Variants in PCM1 observed in about 807,000 individuals in gnomAD.
The protein encoded by PCM1 is pericentriolar material 1 protein.
Under a neutral mutation model 241.9 loss-of-function variants are expected in PCM1, and 157 were observed. The ratio of observed to expected loss-of-function variants is 0.65; its 90% CI spans 0.57 to 0.74. PCM1 has a LOEUF of 0.74. Ranked by LOEUF, PCM1 falls within the 30% of genes least tolerant of loss-of-function variation. The pLI is 0.00. For missense variants in PCM1, 3,478 were observed against 2,360.1 expected, an observed-to-expected ratio of 1.47 and a Z score of -9.81; for synonymous variants, 1,085 against 784.9, an observed-to-expected ratio of 1.38 and a Z score of -6.39.
intron 36 of PCM1, among the ~76,000 whole-genome samples, chr8:18,016,837 G>C (rs1474074773): frequency 1.3e-5 from 2 of 152,184 alleles, no homozygotes; most frequent in Non-Finnish European, 2.9e-5. Flanking sequence ...GCTTTGCTTA[G>C]TTAGACCCTC....
Position 17,991,424 on chromosome 8 carries a change from C to G in PCM1, c.4532-118C>G, listed in dbSNP as rs185922216. 3.1e-5 allele frequency: 23 copies of G among 743,670 alleles called. No individual in the cohort carries two copies. In the Admixed American group the frequency reaches 3.7e-4, roughly 12 times the overall value. The allele number at this position is 743,670 out of a possible 1,614,324, so 46.1% of individuals were successfully genotyped here. On this transcript the variant is annotated intron_variant, in intron 27 of 38. Transcript: ENST00000325083. ...TGCTCAAGTAGTATAGTGTGTAGAA[C>G]TTGTTAAAGCTAATTTTCCTCCCTT... is the stretch of plus-strand genomic sequence containing the variant.
At chr8:17,990,003 T>G in intron 27 of PCM1, 24 bp downstream of exon 27, 1 of 1,498,364 alleles carries the variant, frequency 6.7e-7, no homozygotes, top group East Asian at 2.5e-5. Flanking sequence ...TTTATAATCT[T>G]AGAAACAACT....
At chr8:18,014,925 T>A in intron 36 of PCM1, 85 bp downstream of exon 36, 2 of 1,199,208 alleles carry the variant, frequency 1.7e-6, no homozygotes, top group Non-Finnish European at 2.3e-6. Flanking sequence ...TCTCCACATG[T>A]AAACCATTTT....
At chr8:18,003,548 C>T (rs990887242) in intron 29 of PCM1, among the ~76,000 whole-genome samples, 1 of 152,160 alleles carries the variant, frequency 6.6e-6, no homozygotes, top group Non-Finnish European at 1.5e-5. Flanking sequence ...TTCCTCTCTT[C>T]ACTGTTCCTG....
intron 2 of PCM1, among the ~76,000 whole-genome samples, chr8:17,933,943 A>T (rs957956193): frequency 6.6e-6 from 1 of 152,148 alleles, no homozygotes; most frequent in Admixed American, 6.5e-5. Context: ...GAGAATTATT[A>T]AAGTAATATA....
At chr8:17,961,923 C>G (rs2072413557) in intron 15 of PCM1, 111 bp from the exon 16 acceptor site, 2 of 781,070 alleles carry the variant, frequency 2.6e-6, no homozygotes, top group African/African-American at 1.8e-5. Context: ...GGTCTGATAG[C>G]AGATTAAATA....
intron 19 of PCM1, 28 bp downstream of exon 19, chr8:17,966,246 T>C (rs1395683345): frequency 6.2e-7 from 1 of 1,608,742 alleles, no homozygotes; most frequent in African/African-American, 1.3e-5. Flanking sequence ...AGTATATTTT[T>C]CGTCTATTTT....
At chr8:18,018,850 G>A (rs964661546) in intron 36 of PCM1, among the ~76,000 whole-genome samples, 9,674 of 36,402 alleles carry the variant, frequency 0.27, 519 homozygotes, top group Non-Finnish European at 0.36. Context: ...GTGTGTGTGT[G>A]TGTATATATA....
At chr8:17,931,181 T>C (rs1437442704) in intron 2 of PCM1, among the ~76,000 whole-genome samples, 1 of 152,234 alleles carries the variant, frequency 6.6e-6, no homozygotes, top group Non-Finnish European at 1.5e-5. Flanking sequence ...CTTATTTTAG[T>C]AGTGTTCAAA....
intron 38 of PCM1, among the ~76,000 whole-genome samples, chr8:18,026,643 G>C (rs1282647344): frequency 6.6e-6 from 1 of 152,066 alleles, no homozygotes; most frequent in Non-Finnish European, 1.5e-5. Flanking sequence ...TTAAGATGCA[G>C]ATAATACCTC....
At chr8:17,961,186 C>T (rs1162087267) in intron 15 of PCM1, among the ~76,000 whole-genome samples, 2 of 151,260 alleles carry the variant, frequency 1.3e-5, no homozygotes, top group Non-Finnish European at 2.9e-5. Flanking sequence ...GGATCTTATA[C>T]ATGGGTCTTG....
intron 24 of PCM1, among the ~76,000 whole-genome samples, chr8:17,981,378 C>T (rs937778178): frequency 6.6e-6 from 1 of 152,198 alleles, no homozygotes; most frequent in African/African-American, 2.4e-5. Flanking sequence ...ATAGTTTCCC[C>T]TTTCTCCTGT....
Position 18,011,357 on chromosome 8 carries a change from G to T in PCM1, c.5341G>T (p.Val1781Leu). The T allele has an allele frequency of 6.3e-7, 1 of 1,590,316 alleles. No individual in the cohort carries two copies. The highest frequency in any genetic ancestry group is 8.5e-7 in the Non-Finnish European group (1 of 1,171,672). Residue 1781 changes from valine to leucine, a missense_variant, in exon 33 of 39, where the codon GTG becomes TTG. By Grantham distance (32) the Val-to-Leu change is conservative. Coordinates refer to ENST00000325083, the MANE Select transcript of PCM1 (RefSeq NM_006197.4). ...AGATGAAGAAAGTGAAGGATGTCCA[G>T]TGTCTATTAGTAAGTTTAAAGGCTC... is the stretch of plus-strand genomic sequence containing the variant. ...EEDEESEGCP[V>L]SINLSKAETQ...
At chr8:17,999,877 T>C (rs2088613360) in intron 29 of PCM1, among the ~76,000 whole-genome samples, 1 of 152,124 alleles carries the variant, frequency 6.6e-6, no homozygotes, top group African/African-American at 2.4e-5. Context: ...TTCCAAAATA[T>C]TTATAAAATG....
rs967392646 is a variant in PCM1, at chr8:17,955,529, T to A, written c.1348T>A (p.Leu450Met). Reference protein sequence around the residue: ...STSAPSASVGLAPVVNGESNS... With the variant: ...STSAPSASVGMAPVVNGESNS... ...TTCAGCTCCCTCTGCTTCTGTAGGCTTGGCACCGGTTGTCAATGGAGAATC... is the reference window on the plus strand; with the variant it reads ...TTCAGCTCCCTCTGCTTCTGTAGGCATGGCACCGGTTGTCAATGGAGAATC... The change falls in exon 10 of 39, where the codon TTG becomes ATG. Residue 450 changes from leucine to methionine, a missense_variant. Coordinates refer to ENST00000325083, the MANE Select transcript of PCM1 (RefSeq NM_006197.4). The A allele has an allele frequency of 1.9e-6, 3 of 1,613,804 alleles. No homozygotes were observed. Among genetic ancestry groups the A allele is most frequent in the African/African-American group, 2.7e-5 (2 of 75,056 alleles).
chr8:18,026,688 A>C (rs990712977), intron 38 of PCM1, among the ~76,000 whole-genome samples: 1 of 151,460 alleles, frequency 6.6e-6, no homozygotes, highest in Admixed American at 6.6e-5. Flanking sequence ...ATCTAGCCCT[A>C]CCTCTCTCTC....
At chr8:17,930,741 G>C (rs1316208632) in intron 2 of PCM1, among the ~76,000 whole-genome samples, 2 of 152,018 alleles carry the variant, frequency 1.3e-5, no homozygotes, top group Non-Finnish European at 1.5e-5. Context: ...TTAGCCAGGC[G>C]TGGTGGCGGG....
Position 18,009,549 on chromosome 8 carries a change from T to C in PCM1, c.4965T>C (p.Asp1655=), listed in dbSNP as rs774459208. The C allele has an allele frequency of 6.3e-7, 1 of 1,589,728 alleles. No individual in the cohort carries two copies. Among genetic ancestry groups the C allele is most frequent in the South Asian group, 1.1e-5 (1 of 87,502 alleles). The change falls in exon 31 of 39, where the codon GAT becomes GAC. Residue 1655 remains aspartate, a splice_region_variant and synonymous_variant. Transcript: ENST00000325083. The part of the protein sequence containing the change: ...FHKQLGSILQ[D]SLAKFAGRKL... The stretch of plus-strand genomic sequence containing the variant: ...TTATTTGGTTTATCTTTGAATAGGA[T>C]TCACTGGCAAAATTTGCTGGCAGAA...
intron 38 of PCM1, 122 bp from the exon 39 acceptor site, chr8:18,027,515 T>C (rs952956182): frequency 4.9e-6 from 3 of 611,822 alleles, no homozygotes; most frequent in Non-Finnish European, 8.3e-6. Context: ...ATTAGCAAGC[T>C]AATTTAGGAT....
Sources: allele counts gnomAD v4.1 joint callset (sites outside exome capture counted in the v4.1 genomes callset), GRCh38; gene constraint gnomAD v4.1.1; transcripts MANE v1.5; gene names NCBI Gene and HGNC (gene_info 2026-07-23, HGNC 2026-07-21).